The following SHANK2 variants were observed in gnomAD, a reference collection of about 807,000 sequenced individuals.
SHANK2 encodes the protein SH3 and multiple ankyrin repeat domains 2.
In SHANK2, 43 loss-of-function variants were observed where a neutral mutation model predicts 133.7. That is an observed-to-expected ratio of 0.32 (90% CI 0.25 to 0.41). SHANK2 has a LOEUF of 0.41. Ranked by LOEUF, SHANK2 falls within the 10% of genes least tolerant of loss-of-function variation. The pLI is 1.00. For synonymous variants in SHANK2, 1,017 were observed against 952.8 expected, an observed-to-expected ratio of 1.07 and a Z score of -1.24; for missense variants, 1,994 against 2,235.8, an observed-to-expected ratio of 0.89 and a Z score of 2.18.
intron 14 of SHANK2, among the ~76,000 whole-genome samples, chr11:70,743,641 T>C (rs1365997432): frequency 6.6e-6 from 1 of 152,102 alleles, no homozygotes; most frequent in Non-Finnish European, 1.5e-5. Flanking sequence ...AGCTTCTCTA[T>C]AGAGCGACGA....
Position 71,094,695 on chromosome 11 carries a change from A to G in SHANK2, c.593-7T>C, listed in dbSNP as rs1555095007. The G allele has an allele frequency of 1.9e-6, 3 of 1,551,318 alleles. No homozygotes were observed. Among genetic ancestry groups the G allele is most frequent in the Non-Finnish European group, 2.6e-6 (3 of 1,146,604 alleles). On this transcript the variant is annotated splice_region_variant and splice_polypyrimidine_tract_variant and intron_variant, in intron 6 of 25. Transcript: ENST00000601538. ...GCTAAGGTCAGGGGGGTCTCTGAGGAACCCAAACACACACACTTTAGAACC... is the reference window on the plus strand; with the variant it reads ...GCTAAGGTCAGGGGGGTCTCTGAGGGACCCAAACACACACACTTTAGAACC...
intron 17 of SHANK2, among the ~76,000 whole-genome samples, chr11:70,542,042 CCAG>C (rs2059628687): frequency 1.3e-5 from 2 of 152,186 alleles, no homozygotes; most frequent in African/African-American, 4.8e-5. Context: ...CACTGAGTGC[CCAG>C]TAGTGCCTGG....
intron 2 of SHANK2, among the ~76,000 whole-genome samples, chr11:71,161,708 G>A (rs1953022950): frequency 6.6e-6 from 1 of 152,262 alleles, no homozygotes; most frequent in South Asian, 2.1e-4. Context: ...CTGAACCAAT[G>A]TACACCTTAC....
chr11:70,852,671 C>T (rs1949104727), intron 11 of SHANK2, among the ~76,000 whole-genome samples: 2 of 152,176 alleles, frequency 1.3e-5, no homozygotes, highest in South Asian at 2.1e-4. Flanking sequence ...AGTGAAACCC[C>T]GTCTTGACTA....
intron 13 of SHANK2, among the ~76,000 whole-genome samples, chr11:70,798,776 T>C (rs1230067956): frequency 6.6e-6 from 1 of 152,172 alleles, no homozygotes. Flanking sequence ...CTGTGCCCCT[T>C]AGGTGATGAG....
chr11:70,928,050 C>A (rs1950452711), intron 10 of SHANK2, among the ~76,000 whole-genome samples: 1 of 152,110 alleles, frequency 6.6e-6, no homozygotes, highest in Admixed American at 6.6e-5. Context: ...TCTCCTCATT[C>A]TCTTTCTATA....
intron 12 of SHANK2, among the ~76,000 whole-genome samples, chr11:70,814,319 T>C (rs1555053808): frequency 6.9e-6 from 1 of 144,788 alleles, no homozygotes; most frequent in Non-Finnish European, 1.5e-5. Context: ...AGTGAGACTC[T>C]GTCTCAAAAA....
chr11:71,081,634 T>A (rs1951302518), intron 8 of SHANK2, among the ~76,000 whole-genome samples: 1 of 152,194 alleles, frequency 6.6e-6, no homozygotes, highest in Non-Finnish European at 1.5e-5. Flanking sequence ...GAGTCAGGGC[T>A]GACTGGGAAG....
intron 13 of SHANK2, among the ~76,000 whole-genome samples, chr11:70,798,865 T>G (rs1445150456): frequency 2.0e-5 from 3 of 152,228 alleles, no homozygotes; most frequent in African/African-American, 7.2e-5. Flanking sequence ...ACGGCGGCCC[T>G]GTAGCATCTC....
chr11:70,526,590 C>T (rs1407160959), intron 17 of SHANK2, among the ~76,000 whole-genome samples: 1 of 152,206 alleles, frequency 6.6e-6, no homozygotes, highest in Non-Finnish European at 1.5e-5. Flanking sequence ...TGTGCTTAGC[C>T]AGCGTATCCT....
chr11:70,696,733 C>T (rs964885516), intron 15 of SHANK2, among the ~76,000 whole-genome samples: 4 of 152,162 alleles, frequency 2.6e-5, no homozygotes, highest in Non-Finnish European at 5.9e-5. Flanking sequence ...ACAAGAGAAG[C>T]GGTTGGGACA....
intron 2 of SHANK2, among the ~76,000 whole-genome samples, chr11:71,154,654 C>T (rs1398606157): frequency 6.6e-6 from 1 of 152,154 alleles, no homozygotes; most frequent in African/African-American, 2.4e-5. Context: ...GTGAACTTAC[C>T]CCACCCACGC....
intron 11 of SHANK2, among the ~76,000 whole-genome samples, chr11:70,838,242 C>G (rs1948852992): frequency 6.6e-6 from 1 of 152,168 alleles, no homozygotes; most frequent in Non-Finnish European, 1.5e-5. Flanking sequence ...AAAGTGGGAG[C>G]TTATCAATAC....
chr11:70,844,376 C>T lies in SHANK2; in HGVS notation c.1175-23694G>A, dbSNP rs550052330. 5.3e-5 allele frequency among the ~76,000 whole-genome samples: 8 copies of T among 152,252 alleles called. No individual in the cohort carries two copies. The South Asian group carries it at 1.7e-3, about 32-fold the overall frequency. ...GGGGCCGGGGGCGGGGCATGAAAAT[C>T]TCTCCCCCTAAATCCTTACTCCAGC... On this transcript the variant is annotated intron_variant, in intron 11 of 25. Transcript: ENST00000601538.
chr11:71,105,891 G>C (rs1400821105), intron 6 of SHANK2, among the ~76,000 whole-genome samples: 2 of 152,156 alleles, frequency 1.3e-5, no homozygotes, highest in African/African-American at 4.8e-5. Context: ...CTCTGGACTT[G>C]AGGATCACTG....
intron 17 of SHANK2, among the ~76,000 whole-genome samples, chr11:70,576,450 T>C (rs926277743): frequency 2.5e-4 from 38 of 151,912 alleles, no homozygotes; most frequent in African/African-American, 8.7e-4. Flanking sequence ...CTGGCTAACA[T>C]GGTGAAACCC....
intron 25 of SHANK2, among the ~76,000 whole-genome samples, chr11:70,477,915 T>C (rs1297578904): frequency 6.6e-5 from 10 of 152,116 alleles, no homozygotes; most frequent in Admixed American, 2.0e-4. Flanking sequence ...AACCGCTGGG[T>C]TCCCAGTCGG....
chr11:71,175,026 T>C lies in SHANK2; in HGVS notation c.-12-27688A>G, dbSNP rs1214696496. On this transcript the variant is annotated intron_variant, in intron 2 of 25. Transcript: ENST00000601538. The surrounding 1 kb of genome is among the most constrained non-coding windows in gnomAD (Gnocchi z 4.2). ...CCCTCCTCCTCTCCCAGTTTACATG[T>C]CATGCTCTCAGATAAGCCTTCCCCG... is the stretch of plus-strand genomic sequence containing the variant. Among the ~76,000 whole-genome samples, 1 of 152,108 alleles carries C rather than the reference T, an allele frequency of 6.6e-6. No individual in the cohort carries two copies. The highest frequency in any genetic ancestry group is 2.4e-5 in the African/African-American group (1 of 41,424).
At chr11:70,511,542 C>T (rs2059205019) in intron 17 of SHANK2, among the ~76,000 whole-genome samples, 1 of 152,164 alleles carries the variant, frequency 6.6e-6, no homozygotes, top group Non-Finnish European at 1.5e-5. Flanking sequence ...GGAATGCTGC[C>T]ACCAGGGGAA....
Sources: allele counts gnomAD v4.1 joint callset (sites outside exome capture counted in the v4.1 genomes callset), GRCh38; gene constraint gnomAD v4.1.1; non-coding constraint Gnocchi (gnomAD v3.1); transcripts MANE v1.5; gene names NCBI Gene and HGNC (gene_info 2026-07-23, HGNC 2026-07-21).